Variants in OVCH2 observed in about 807,000 individuals in gnomAD.
The protein encoded by OVCH2 is ovochymase-2.
A neutral mutation model predicts 73.7 loss-of-function variants in OVCH2; 88 were observed. The observed-to-expected ratio is 1.19, with a 90% CI of 1.01 to 1.43. OVCH2 has a LOEUF of 1.43. OVCH2 is among the 40% of genes most tolerant of loss of function. OVCH2 has a pLI of 0.00. For synonymous variants in OVCH2, 265 were observed against 234.5 expected (o/e 1.13, Z -1.19); for missense variants, 706 against 674.5 (o/e 1.05, Z -0.52).
chr11:7,704,721 T>C lies in OVCH2; in HGVS notation c.89-47A>G, dbSNP rs562008766. On this transcript the variant is annotated intron_variant, in intron 1 of 15. Coordinates refer to ENST00000533663, the MANE Select transcript of OVCH2 (RefSeq NM_198185.7). ...CTAAATGATTAGATAGCTTCTAGGA[T>C]TGAGGTAATATCTTCTCCATTTCAC... is the stretch of plus-strand genomic sequence containing the variant. The C allele has an allele frequency of 7.6e-6, 10 of 1,315,916 alleles. No homozygotes were observed. The East Asian group carries it at 9.7e-5, about 13-fold the overall frequency. 81.5% of individuals were successfully genotyped at this position (1,315,916 alleles called of 1,614,324 possible).
intron 3 of OVCH2, 98 bp downstream of exon 3, chr11:7,703,600 T>C (rs2136163678): frequency 3.1e-6 from 3 of 956,800 alleles, no homozygotes; most frequent in Non-Finnish European, 4.6e-6. Context: ...AATACTCACC[T>C]ATCACACAGG....
chr11:7,683,770 C>T, the OVCH2 span, among the ~76,000 whole-genome samples: 1 of 152,162 alleles, frequency 6.6e-6, no homozygotes, highest in African/African-American at 2.4e-5. Context: ...CATGCTCTTA[C>T]CTCAGGTCTT....
chr11:7,695,042 C>A lies in OVCH2; in HGVS notation c.1413+16G>T. On this transcript the variant is annotated intron_variant, in intron 12 of 15. Transcript: ENST00000533663. ...TGAATTTACCATAGCTACGTAAGGA[C>A]AGCCAAAGTCAATACCTTAATTAGG... is the stretch of plus-strand genomic sequence containing the variant. 6.5e-7 allele frequency: 1 copy of A among 1,546,552 alleles called. No homozygotes were observed. Among genetic ancestry groups the A allele is most frequent in the South Asian group, 1.2e-5 (1 of 82,478 alleles).
intron 7 of OVCH2, chr11:7,700,056 T>G (rs986753366): frequency 1.3e-5 from 6 of 446,084 alleles, no homozygotes; most frequent in African/African-American, 3.9e-5. Context: ...TAAAGGCCAG[T>G]TTGAGAAGGT....
chr11:7,699,305 G>C (rs1375893647), intron 7 of OVCH2: 1 of 155,284 alleles, frequency 6.4e-6, no homozygotes, highest in African/African-American at 2.4e-5. Flanking sequence ...TCTCTAGTCA[G>C]TTTATCACAA....
At chr11:7,691,204 A>G in intron 14 of OVCH2, 65 bp downstream of exon 14, 1 of 1,530,860 alleles carries the variant, frequency 6.5e-7, no homozygotes, top group Non-Finnish European at 8.9e-7. Flanking sequence ...GGCTCTAAAG[A>G]CCTCTAATTC....
intron 2 of OVCH2, 88 bp from the exon 3 acceptor site, chr11:7,703,877 T>G (rs1445643500): frequency 2.0e-6 from 2 of 981,682 alleles, no homozygotes; most frequent in Non-Finnish European, 3.1e-6. Context: ...AAAACCAGAC[T>G]CAGATATCAC....
the OVCH2 span, among the ~76,000 whole-genome samples, chr11:7,679,310 G>C: frequency 2.0e-5 from 3 of 152,154 alleles, no homozygotes; most frequent in Non-Finnish European, 4.4e-5. Flanking sequence ...ATTGTTGGGG[G>C]CTCCTGAATA....
chr11:7,703,935 C>A (rs1014409771), intron 2 of OVCH2, 146 bp from the exon 3 acceptor site: 1 of 689,482 alleles, frequency 1.5e-6, no homozygotes, highest in African/African-American at 1.8e-5. Flanking sequence ...AAAGCCCAGA[C>A]ACTACCGCTC....
In OVCH2 at chr11:7,689,923, C is replaced by A. The variant is rs1856188957; in HGVS notation, c.*31+1G>T. 6.8e-7 allele frequency: 1 copy of A among 1,477,976 alleles called. No individual in the cohort carries two copies. The highest frequency in any genetic ancestry group is 2.5e-5 in the East Asian group (1 of 40,658). 91.6% of individuals were successfully genotyped at this position (1,477,976 alleles called of 1,614,324 possible). ...ATCAATTGGTCCCCAAAACAGCTTA[C>A]CAGAAACATTGGTTTCTCCATTTGG... On this transcript the variant is annotated splice_donor_variant, in intron 15 of 15. Transcript: ENST00000533663. LOFTEE classifies it low-confidence loss of function (3UTR_SPLICE).
downstream of OVCH2, among the ~76,000 whole-genome samples, chr11:7,685,934 C>T (rs143098847): frequency 4.1e-3 from 622 of 152,068 alleles, 2 homozygotes; most frequent in Non-Finnish European, 6.7e-3. Flanking sequence ...GTTTTAGGAG[C>T]GGAAAACAGA....
Position 7,701,443 on chromosome 11 carries a change from T to G in OVCH2, c.592A>C (p.Asn198His). Residue 198 changes from asparagine (N) to histidine (H), a missense_variant, in exon 6 of 16, where the codon AAT becomes CAT. Coordinates refer to ENST00000533663, the MANE Select transcript of OVCH2 (RefSeq NM_198185.7). Reference sequence around the variant, plus strand: ...TCTTCCCAGGTCAAAATAGGCAGATTCACTTCCTGCAAGACTTGTGAGAGG... The same window carrying G: ...TCTTCCCAGGTCAAAATAGGCAGATGCACTTCCTGCAAGACTTGTGAGAGG... ...GVLSQVLQEV[N>H]LPILTWEECV... 6.2e-7 allele frequency: 1 copy of G among 1,612,258 alleles called. No individual in the cohort carries two copies. Among genetic ancestry groups the G allele is most frequent in the Non-Finnish European group, 8.5e-7 (1 of 1,179,268 alleles).
Position 7,702,347 on chromosome 11 carries a change from T to C in OVCH2, c.291-18A>G, listed in dbSNP as rs1334434301. On this transcript the variant is annotated intron_variant, in intron 3 of 15. Coordinates refer to ENST00000533663, the MANE Select transcript of OVCH2 (RefSeq NM_198185.7). ...CAATGTTTCTATGGAAAGCAAAGAG[T>C]AAAATGAATGAATTTCATTGTGCCT... The C allele has an allele frequency of 1.9e-6, 3 of 1,555,924 alleles. No individual in the cohort carries two copies. The highest frequency in any genetic ancestry group is 4.3e-5 in the Admixed American group (2 of 46,662).
At chr11:7,695,028 T>C (rs1225684767) in intron 12 of OVCH2, 30 bp downstream of exon 12, 3 of 1,539,888 alleles carry the variant, frequency 1.9e-6, no homozygotes, top group African/African-American at 1.4e-5. Context: ...GAATTTACCA[T>C]AGCTACGTAA....
At chr11:7,699,325 C>G (rs1314465554) in intron 7 of OVCH2, 1 of 152,900 alleles carries the variant, frequency 6.5e-6, no homozygotes, top group Non-Finnish European at 1.5e-5. Flanking sequence ...AGGGTGTACA[C>G]TCATCCCTCA....
At chr11:7,680,973 C>A in the OVCH2 span, among the ~76,000 whole-genome samples, 1 of 152,202 alleles carries the variant, frequency 6.6e-6, no homozygotes, top group Non-Finnish European at 1.5e-5. Context: ...GCCTCTTTTC[C>A]AATGTGCCCC....
chr11:7,706,060 A>C (rs10839852), intron 1 of OVCH2, among the ~76,000 whole-genome samples: 37,030 of 152,082 alleles, frequency 0.24, 4,786 homozygotes, highest in East Asian at 0.52. Context: ...ACTTAGGAAA[A>C]CTAAGCGAAG....
intron 6 of OVCH2, 72 bp from the exon 7 acceptor site, chr11:7,700,557 C>A: frequency 6.7e-7 from 1 of 1,482,022 alleles, no homozygotes. Context: ...TGTTTCCTCA[C>A]AAGGATGCTG....
the OVCH2 span, among the ~76,000 whole-genome samples, chr11:7,680,146 A>G: frequency 8.2e-4 from 125 of 152,350 alleles, no homozygotes; most frequent in African/African-American, 2.8e-3. Context: ...TTCATAGCCA[A>G]TCAGTCAGAA....
Sources: allele counts gnomAD v4.1 joint callset (sites outside exome capture counted in the v4.1 genomes callset), GRCh38; gene constraint gnomAD v4.1.1; transcripts MANE v1.5; gene names NCBI Gene and HGNC (gene_info 2026-07-23, HGNC 2026-07-21).